BMPER: variants seen among roughly 807,000 people sequenced by gnomAD.
The protein encoded by BMPER is BMP binding endothelial regulator.
BMPER carries 45 observed loss-of-function variants against 87.3 expected under a neutral mutation model. That is an observed-to-expected ratio of 0.52 (90% CI 0.41 to 0.66). The LOEUF is 0.66. Among genes scored for constraint, BMPER ranks in the 30% least tolerant of loss-of-function variants. The pLI is 0.00. For synonymous variants in BMPER, 326 were observed against 316.2 expected (o/e 1.03, Z -0.33); for missense variants, 784 against 867.5 (o/e 0.90, Z 1.21).
chr7:33,941,319 A>G (rs1014765529), intron 3 of BMPER, among the ~76,000 whole-genome samples: 1 of 150,816 alleles, frequency 6.6e-6, no homozygotes, highest in Non-Finnish European at 1.5e-5. Flanking sequence ...TTTTCAGATC[A>G]TTTAACACAG....
intron 6 of BMPER, among the ~76,000 whole-genome samples, chr7:33,995,781 G>C (rs1459712069): frequency 1.3e-5 from 2 of 152,146 alleles, no homozygotes. Context: ...AAAGAGGCCT[G>C]AATTTTCTAT....
intron 11 of BMPER, among the ~76,000 whole-genome samples, chr7:34,063,342 T>A (rs1239985649): frequency 6.6e-6 from 1 of 152,094 alleles, no homozygotes; most frequent in Non-Finnish European, 1.5e-5. Flanking sequence ...TTTTAATTGA[T>A]TAGTGCCTTT....
intron 3 of BMPER, among the ~76,000 whole-genome samples, chr7:33,944,595 G>C (rs933074599): frequency 6.6e-6 from 1 of 152,172 alleles, no homozygotes; most frequent in East Asian, 1.9e-4. Flanking sequence ...CTAATACAAG[G>C]AAAGTAAGAG....
At chr7:33,979,430 G>A (rs778972706) in intron 6 of BMPER, among the ~76,000 whole-genome samples, 42 of 151,668 alleles carry the variant, frequency 2.8e-4, no homozygotes, top group African/African-American at 6.8e-4. Context: ...CATGGCTCTC[G>A]TTTGCTATAG....
Position 34,129,614 on chromosome 7 carries a change from G to GAAAGAA in BMPER, c.1746-13615_1746-13614insAAGAAA, listed in dbSNP as rs1207633991. Among the ~76,000 whole-genome samples the GAAAGAA allele has an allele frequency of 6.2e-3, 302 of 48,572 alleles. 4 individuals carry two copies. The highest frequency in any genetic ancestry group is 0.011 in the Middle Eastern group (1 of 88). 31.9% of individuals were successfully genotyped at this position (48,572 alleles called of 152,430 possible). A position where few individuals can be genotyped will look rare whatever the true frequency, so the allele number is the denominator to read the frequency against. On this transcript the variant is annotated intron_variant, in intron 13 of 14. Coordinates refer to ENST00000649409, the MANE Select transcript of BMPER (RefSeq NM_001365308.1). Reference sequence around the variant, plus strand: ...AGAGAGAGAGAGAGAGAGAGAAAGAGAGAGAGAGAGAAAGAGAGAAAGAAA... The same window carrying GAAAGAA: ...AGAGAGAGAGAGAGAGAGAGAAAGAGAAAGAAAGAGAGAGAGAAAGAGAGAAAGAAA...
chr7:33,913,213 G>T (rs1407123164), intron 2 of BMPER, among the ~76,000 whole-genome samples: 1 of 152,210 alleles, frequency 6.6e-6, no homozygotes, highest in South Asian at 2.1e-4. Context: ...CACAAAGAGA[G>T]TGTGCTTGGG....
chr7:34,146,063 GCA>G (rs139248229), intron 14 of BMPER, among the ~76,000 whole-genome samples: 4 of 151,046 alleles, frequency 2.6e-5, no homozygotes, highest in Non-Finnish European at 3.0e-5. Context: ...ATACACACAC[GCA>G]CACACACACA....
intron 6 of BMPER, among the ~76,000 whole-genome samples, chr7:34,035,635 G>C (rs549280870): frequency 6.6e-6 from 1 of 152,116 alleles, no homozygotes; most frequent in Non-Finnish European, 1.5e-5. Flanking sequence ...AAACATTTTT[G>C]AGTTATTTTC....
chr7:34,138,432 C>T (rs741306), intron 13 of BMPER, among the ~76,000 whole-genome samples: 200 of 152,232 alleles, frequency 1.3e-3, no homozygotes, highest in Non-Finnish European at 2.3e-3. Context: ...TGTGACAAAG[C>T]GCTGCCCAGC....
intron 10 of BMPER, among the ~76,000 whole-genome samples, chr7:34,060,943 A>G (rs569092830): frequency 2.6e-5 from 4 of 152,360 alleles, no homozygotes; most frequent in Non-Finnish European, 4.4e-5. Context: ...AGTGGGAAGA[A>G]AATGTCCTTT....
At chr7:33,906,674 T>A in intron 1 of BMPER, 144 bp from the exon 2 acceptor site, 1 of 741,026 alleles carries the variant, frequency 1.3e-6, no homozygotes, top group Admixed American at 2.2e-5. Context: ...GGTTTTGCTT[T>A]GGTGAATTTA....
chr7:34,123,643 T>C (rs1418798147), intron 13 of BMPER, among the ~76,000 whole-genome samples: 1 of 152,220 alleles, frequency 6.6e-6, no homozygotes, highest in Admixed American at 6.5e-5. Flanking sequence ...GTTTAACTTA[T>C]GATTTTGCTC....
At chr7:33,944,990 G>A (rs1341144552) in intron 3 of BMPER, among the ~76,000 whole-genome samples, 1 of 152,124 alleles carries the variant, frequency 6.6e-6, no homozygotes, top group Non-Finnish European at 1.5e-5. Context: ...CACCCAGGCT[G>A]GAGTGCAGTG....
intron 3 of BMPER, chr7:33,939,959 C>T (rs758706428): frequency 1.6e-5 from 5 of 314,026 alleles, no homozygotes; most frequent in South Asian, 1.4e-4. Context: ...CAGTGCTTGT[C>T]TCAAGGGTTT....
intron 3 of BMPER, among the ~76,000 whole-genome samples, chr7:33,945,000 G>GGT (rs1282966098): frequency 1.3e-5 from 2 of 152,038 alleles, no homozygotes; most frequent in East Asian, 1.9e-4. Context: ...GGAGTGCAGT[G>GGT]GCACGATCTT....
chr7:33,967,938 A>T (rs1785443336), intron 4 of BMPER, among the ~76,000 whole-genome samples: 1 of 152,190 alleles, frequency 6.6e-6, no homozygotes, highest in South Asian at 2.1e-4. Context: ...TTGGATGAAG[A>T]CTTTGTTTAA....
chr7:34,156,011 A>T lies in BMPER; in HGVS notation c.*2738A>T, dbSNP rs1297210621. The T allele has an allele frequency of 3.3e-5, 5 of 152,146 alleles. No individual in the cohort carries two copies. The highest frequency in any genetic ancestry group is 7.4e-5 in the Non-Finnish European group (5 of 68,024). 9.4% of individuals were successfully genotyped at this position (152,146 alleles called of 1,614,324 possible). On this transcript the variant is annotated 3_prime_UTR_variant, in exon 15 of 15. Coordinates refer to ENST00000649409, the MANE Select transcript of BMPER (RefSeq NM_001365308.1). ...GAATATTTGAGGGTCCTGACCTAAA[A>T]TTTTTTAGCTGGGAAGAAAAGATAT...
chr7:34,047,826 A>T (rs59974329), intron 7 of BMPER, among the ~76,000 whole-genome samples: 1,449 of 72,426 alleles, frequency 0.02, no homozygotes, highest in Middle Eastern at 0.048. Context: ...TCACTTTCCT[A>T]CTTTCTTGCT....
intron 2 of BMPER, among the ~76,000 whole-genome samples, chr7:33,913,446 A>C (rs1323801850): frequency 7.8e-6 from 1 of 128,062 alleles, no homozygotes; most frequent in East Asian, 1.9e-4. Context: ...GGATATACAG[A>C]GTGTGAAGAG....
Sources: allele counts gnomAD v4.1 joint callset (sites outside exome capture counted in the v4.1 genomes callset), GRCh38; gene constraint gnomAD v4.1.1; transcripts MANE v1.5; gene names NCBI Gene and HGNC (gene_info 2026-07-23, HGNC 2026-07-21).